Variants in HSPA12A observed in about 807,000 individuals in gnomAD.
HSPA12A encodes the protein heat shock protein family A (Hsp70) member 12A.
In HSPA12A, 28 loss-of-function variants were observed where a neutral mutation model predicts 69.2. The ratio of observed to expected loss-of-function variants is 0.40; its 90% confidence interval spans 0.30 to 0.55. The LOEUF is 0.55. Among genes scored for constraint, HSPA12A ranks in the 20% least tolerant of loss-of-function variants. The pLI is 0.38. For missense variants in HSPA12A, 686 were observed against 900.7 expected, an observed-to-expected ratio of 0.76 and a Z score of 3.05; for synonymous variants, 345 against 370.5, an observed-to-expected ratio of 0.93 and a Z score of 0.79.
intron 6 of HSPA12A, among the ~76,000 whole-genome samples, chr10:116,691,969 G>T (rs181327205): frequency 2.9e-3 from 437 of 152,304 alleles, no homozygotes; most frequent in Admixed American, 5.0e-3. Context: ...TTGCTTTCTT[G>T]TTCAAATATT....
Position 116,775,549 on chromosome 10 carries a change from G to A in HSPA12A, c.91+59386C>T, listed in dbSNP as rs894096528. On this transcript the variant is annotated intron_variant, in intron 2 of 12. Coordinates refer to the HSPA12A transcript ENST00000635765. ...TCTGTCTGTTCCCACTGACAGCCTC[G>A]TGATACTGACTTTCAGGGCACCCGA... 5.9e-5 allele frequency among the ~76,000 whole-genome samples: 9 copies of A among 152,260 alleles called. No homozygotes were observed. The East Asian group carries it at 1.2e-3, about 20-fold the overall frequency.
chr10:116,743,430 C>T (rs1851577611), upstream of HSPA12A, among the ~76,000 whole-genome samples: 1 of 152,228 alleles, frequency 6.6e-6, no homozygotes, highest in African/African-American at 2.4e-5. Flanking sequence ...GTCACTGGGT[C>T]GTTTCCGGGT....
intron 2 of HSPA12A, chr10:116,750,304 T>C: frequency 1.3e-6 from 1 of 783,866 alleles, no homozygotes; most frequent in Non-Finnish European, 2.3e-6. Context: ...TAGAAAGCAC[T>C]TATGGTCAGC....
At position 116,811,556 on chromosome 10, in the gene HSPA12A, C is replaced by T. The variant is rs78637099; in HGVS notation, c.91+23379G>A. On this transcript the variant is annotated intron_variant, in intron 2 of 12. Coordinates refer to the HSPA12A transcript ENST00000635765. ...TGATCTTCCTTCATATTGGGCCTAA[C>T]TTGGATTCCTCTTTGCTTTTGTTAA... Among the ~76,000 whole-genome samples the T allele has an allele frequency of 9.9e-3, 1,295 of 130,542 alleles. 18 individuals carry two copies. The highest frequency in any genetic ancestry group is 0.032 in the African/African-American group (1,097 of 34,102). 85.6% of individuals were successfully genotyped at this position (130,542 alleles called of 152,430 possible).
At chr10:116,803,815 C>A (rs1476257705) in intron 2 of HSPA12A, among the ~76,000 whole-genome samples, 1 of 152,212 alleles carries the variant, frequency 6.6e-6, no homozygotes, top group East Asian at 1.9e-4. Context: ...GACTGCGTGA[C>A]CACGGTTCAT....
chr10:116,829,334 A>AAT (rs974740790), intron 2 of HSPA12A: 11 of 153,206 alleles, frequency 7.2e-5, no homozygotes, highest in African/African-American at 2.6e-4. Flanking sequence ...GAGTCCATTA[A>AAT]ACCTCTTTCC....
intron 4 of HSPA12A, among the ~76,000 whole-genome samples, chr10:116,699,600 G>A (rs1440080136): frequency 1.3e-5 from 2 of 152,144 alleles, no homozygotes; most frequent in Admixed American, 6.5e-5. Context: ...TGTGGAGCCC[G>A]TCTGTGGCAT....
At chr10:116,682,540 G>T (rs1187444678) in intron 7 of HSPA12A, among the ~76,000 whole-genome samples, 1 of 152,008 alleles carries the variant, frequency 6.6e-6, no homozygotes, top group Non-Finnish European at 1.5e-5. Flanking sequence ...GCAAACCCCT[G>T]TGCTGCCTTT....
intron 2 of HSPA12A, among the ~76,000 whole-genome samples, chr10:116,822,694 T>C (rs920186453): frequency 6.6e-6 from 1 of 152,226 alleles, no homozygotes; most frequent in African/African-American, 2.4e-5. Context: ...CTCTATCCTT[T>C]GCAAAGTCCC....
At chr10:116,754,212 C>A (rs1554888581) in intron 2 of HSPA12A, among the ~76,000 whole-genome samples, 2 of 152,182 alleles carry the variant, frequency 1.3e-5, no homozygotes, top group Non-Finnish European at 2.9e-5. Context: ...CCAGCCTGTA[C>A]CTGGACAGTC....
chr10:116,815,531 CG>C (rs1182731320), intron 2 of HSPA12A, among the ~76,000 whole-genome samples: 7 of 152,238 alleles, frequency 4.6e-5, no homozygotes, highest in Non-Finnish European at 1.0e-4. Context: ...GCCGAGATCA[CG>C]TCACTGCACT....
At chr10:116,747,316 A>G (rs539978852), upstream of HSPA12A, among the ~76,000 whole-genome samples, 4 of 152,374 alleles carry the variant, frequency 2.6e-5, no homozygotes, top group East Asian at 7.7e-4. Flanking sequence ...ATGCCTTCTC[A>G]GGTAATGGAA....
chr10:116,841,693 GATTTT>G (rs1197133187), intron 1 of HSPA12A, among the ~76,000 whole-genome samples: 1 of 151,896 alleles, frequency 6.6e-6, no homozygotes, highest in African/African-American at 2.4e-5. Context: ...TGCCTAAAAT[GATTTT>G]ATTTGCTAAA....
intron 1 of HSPA12A, among the ~76,000 whole-genome samples, chr10:116,733,954 C>T (rs1451712430): frequency 6.6e-6 from 1 of 152,148 alleles, no homozygotes; most frequent in Non-Finnish European, 1.5e-5. Context: ...TATTTTCCTA[C>T]AAATCTTCAC....
chr10:116,747,461 C>T (rs1030784961), upstream of HSPA12A, among the ~76,000 whole-genome samples: 15 of 152,280 alleles, frequency 9.9e-5, no homozygotes, highest in East Asian at 9.7e-4. Context: ...CGGGACATCC[C>T]GGAAGCCACA....
At position 116,701,020 on chromosome 10, in the gene HSPA12A, A is replaced by G. The variant is rs1850064703; in HGVS notation, c.364T>C (p.Tyr122His). The G allele has an allele frequency of 1.2e-6, 2 of 1,614,022 alleles. No homozygotes were observed. Among genetic ancestry groups the G allele is most frequent in the South Asian group, 1.1e-5 (1 of 91,066 alleles). Reference protein sequence around the residue: ...HSFGYAARDFYHDLDPNEAKQ... With the variant: ...HSFGYAARDFHHDLDPNEAKQ... ...GCCTCATTGGGATCCAGGTCATGGT[A>G]AAAGTCCCTGGCGGCATACCCGAAG... is the stretch of plus-strand genomic sequence containing the variant. Residue 122 changes from tyrosine to histidine, a missense_variant, in exon 4 of 12, where the codon TAC (tyrosine) becomes CAC (histidine). Coordinates refer to ENST00000369209, the MANE Select transcript of HSPA12A (RefSeq NM_025015.3).
intron 6 of HSPA12A, among the ~76,000 whole-genome samples, chr10:116,687,813 C>T (rs1554879712): frequency 6.6e-6 from 1 of 152,186 alleles, no homozygotes; most frequent in African/African-American, 2.4e-5. Flanking sequence ...GTTACTACTC[C>T]CACGTGAGCC....
At chr10:116,777,634 C>CACT (rs1243949568) in intron 2 of HSPA12A, among the ~76,000 whole-genome samples, 1 of 152,224 alleles carries the variant, frequency 6.6e-6, no homozygotes, top group Non-Finnish European at 1.5e-5. Flanking sequence ...AGACGCACGC[C>CACT]ACTACGTTTC....
intron 2 of HSPA12A, among the ~76,000 whole-genome samples, chr10:116,706,271 T>C (rs1850246463): frequency 6.6e-6 from 1 of 151,650 alleles, no homozygotes; most frequent in Non-Finnish European, 1.5e-5. Flanking sequence ...CAACAAATGT[T>C]GGAGGGGAGG....
Sources: allele counts gnomAD v4.1 joint callset (sites outside exome capture counted in the v4.1 genomes callset), GRCh38; gene constraint gnomAD v4.1.1; transcripts MANE v1.5; gene names NCBI Gene and HGNC (gene_info 2026-07-23, HGNC 2026-07-21).